Variants in ILRUN observed in about 807,000 individuals in gnomAD.
ILRUN encodes protein ILRUN.
ILRUN carries 3 observed loss-of-function variants against 33.8 expected under a neutral mutation model. That is an observed-to-expected ratio of 0.09 (90% CI 0.04 to 0.23). The LOEUF is 0.23. ILRUN is among the 10% of genes least tolerant of loss of function. The pLI is 1.00. For synonymous variants in ILRUN, 124 were observed against 138.9 expected (o/e 0.89, Z 0.75); for missense variants, 210 against 375.1 (o/e 0.56, Z 3.64).
chr6:34,594,456 T>C (rs988917216), intron 4 of ILRUN, among the ~76,000 whole-genome samples: 1 of 152,216 alleles, frequency 6.6e-6, no homozygotes, highest in African/African-American at 2.4e-5. Flanking sequence ...GGTATCTGAC[T>C]CCAGGTCTAA....
intron 1 of ILRUN, 119 bp from the exon 2 acceptor site, chr6:34,654,898 T>A (rs143465039): frequency 1.1e-6 from 1 of 903,962 alleles, no homozygotes; most frequent in Admixed American, 3.0e-5. Context: ...GCTCCTGGTA[T>A]ACACGTCTTT....
chr6:34,682,775 ATTG>A (rs544664531), intron 1 of ILRUN, among the ~76,000 whole-genome samples: 7 of 152,284 alleles, frequency 4.6e-5, no homozygotes, highest in African/African-American at 1.4e-4. Context: ...CACCCAGCAC[ATTG>A]TTAATTCTTT....
chr6:34,618,010 T>C (rs972016579), intron 3 of ILRUN, among the ~76,000 whole-genome samples: 1 of 152,098 alleles, frequency 6.6e-6, no homozygotes, highest in African/African-American at 2.4e-5. Context: ...AAATATGAGA[T>C]TTTCCCTTAA....
At chr6:34,659,618 CTTTTTTTTTTTT>C (rs985939505) in intron 1 of ILRUN, among the ~76,000 whole-genome samples, 1 of 91,478 alleles carries the variant, frequency 1.1e-5, no homozygotes, top group Non-Finnish European at 2.0e-5. Flanking sequence ...ATAAGGCAGT[CTTTTTTTTTTTT>C]TTTTTTTTTT....
Position 34,588,299 on chromosome 6 carries a change from G to A in ILRUN, c.*2266C>T, listed in dbSNP as rs1445509057. 2 of 398,312 alleles carry A rather than the reference G, an allele frequency of 5.0e-6. No homozygotes were observed. Among genetic ancestry groups the A allele is most frequent in the African/African-American group, 2.1e-5 (1 of 48,624 alleles). 24.7% of individuals were successfully genotyped at this position (398,312 alleles called of 1,614,324 possible). On this transcript the variant is annotated 3_prime_UTR_variant, in exon 5 of 5. Transcript: ENST00000374023. ...TGCCTAGAAGCAAGAGGAAGAGCAAGACGACTCTGGCAGGCCCAGACCCAC... is the reference window on the plus strand; with the variant it reads ...TGCCTAGAAGCAAGAGGAAGAGCAAAACGACTCTGGCAGGCCCAGACCCAC...
intron 1 of ILRUN, among the ~76,000 whole-genome samples, chr6:34,674,533 G>A (rs1490862509): frequency 1.3e-5 from 2 of 151,968 alleles, no homozygotes; most frequent in Non-Finnish European, 2.9e-5. Context: ...ATGATTAAAG[G>A]TTAAAAAAAA....
Position 34,696,596 on chromosome 6 carries a change from C to CCCT in ILRUN, c.5_7dup (p.Glu2dup). ...CTCCGGGTCCAGGTCTACGTCCATG[C>CCCT]CCTCCATGGCGGGGACCGGACACCC... On this transcript the variant is annotated inframe_insertion, in exon 1 of 5. Transcript: ENST00000374023. The CCCT allele has an allele frequency of 6.2e-7, 1 of 1,607,236 alleles. No individual in the cohort carries two copies. Among genetic ancestry groups the CCCT allele is most frequent in the Non-Finnish European group, 8.5e-7 (1 of 1,178,206 alleles).
At chr6:34,611,079 C>G (rs376254893) in intron 3 of ILRUN, among the ~76,000 whole-genome samples, 2 of 140,134 alleles carry the variant, frequency 1.4e-5, no homozygotes, top group Non-Finnish European at 3.1e-5. Flanking sequence ...CTCTCCTTTC[C>G]TTTCTTTCTT....
chr6:34,609,914 T>C (rs1446193131), intron 3 of ILRUN, among the ~76,000 whole-genome samples: 1 of 152,002 alleles, frequency 6.6e-6, no homozygotes, highest in East Asian at 1.9e-4. Context: ...ATCCCAGCAC[T>C]TTGGGAGGCC....
chr6:34,632,738 T>C (rs991209766), intron 3 of ILRUN, among the ~76,000 whole-genome samples: 2 of 151,548 alleles, frequency 1.3e-5, no homozygotes, highest in African/African-American at 4.8e-5. Context: ...TTAGCCAGGA[T>C]GGTCTCGATC....
chr6:34,657,558 A>G (rs575339190), intron 1 of ILRUN, among the ~76,000 whole-genome samples: 3 of 152,326 alleles, frequency 2.0e-5, no homozygotes, highest in African/African-American at 4.8e-5. Context: ...CTGAAACTGA[A>G]AGCAGCGAAC....
chr6:34,685,014 G>A (rs1241182214), intron 1 of ILRUN, among the ~76,000 whole-genome samples: 1 of 152,092 alleles, frequency 6.6e-6, no homozygotes, highest in African/African-American at 2.4e-5. Context: ...ATCTAGCAGT[G>A]GTATGTCCAC....
intron 1 of ILRUN, chr6:34,685,451 G>C (rs1581557538): frequency 6.6e-6 from 1 of 151,960 alleles, no homozygotes; most frequent in African/African-American, 2.4e-5. Flanking sequence ...TTTCTGACCT[G>C]GGCTGGCTCA....
intron 1 of ILRUN, among the ~76,000 whole-genome samples, chr6:34,674,961 A>G (rs1186996615): frequency 6.6e-6 from 1 of 152,122 alleles, no homozygotes; most frequent in Admixed American, 6.6e-5. Flanking sequence ...ATAACTGGAC[A>G]TGCGCACCAA....
chr6:34,615,412 A>G (rs1169003846), intron 3 of ILRUN, among the ~76,000 whole-genome samples: 1 of 151,732 alleles, frequency 6.6e-6, no homozygotes, highest in African/African-American at 2.4e-5. Flanking sequence ...CCCGGCCAAC[A>G]TGGTGAAACC....
intron 3 of ILRUN, among the ~76,000 whole-genome samples, chr6:34,616,022 TG>T (rs1267716341): frequency 5.9e-5 from 9 of 152,182 alleles, no homozygotes; most frequent in African/African-American, 2.2e-4. Context: ...GGCTTCCACT[TG>T]GTTCTGGGCT....
intron 1 of ILRUN, among the ~76,000 whole-genome samples, chr6:34,683,510 ATATACATATATATATATACATATT>A (rs1562033350): frequency 5.4e-5 from 5 of 92,670 alleles, no homozygotes; most frequent in Non-Finnish European, 1.0e-4. Context: ...ATATATATAT[ATATACATATATATATATACATATT>A]GCACAGAATA....
At chr6:34,661,536 T>C (rs1265017639) in intron 1 of ILRUN, among the ~76,000 whole-genome samples, 1 of 152,168 alleles carries the variant, frequency 6.6e-6, no homozygotes, top group East Asian at 1.9e-4. Context: ...TTGAGAGCTC[T>C]GGACAGTCAT....
intron 3 of ILRUN, among the ~76,000 whole-genome samples, chr6:34,624,600 C>T (rs775347456): frequency 6.6e-6 from 1 of 152,166 alleles, no homozygotes; most frequent in African/African-American, 2.4e-5. Flanking sequence ...TCCCAAAGTG[C>T]TGGGATTACA....
Sources: gnomAD v4.1 joint callset for allele counts (sites outside exome capture counted in the v4.1 genomes callset) on GRCh38, gnomAD v4.1.1 for gene constraint, MANE v1.5 for transcripts, NCBI Gene and HGNC (gene_info 2026-07-23, HGNC 2026-07-21) for gene names.